Variants in ERLIN1 observed in about 807,000 individuals in gnomAD.
ERLIN1 encodes ER lipid raft associated 1, also known as erlin-1.
A neutral mutation model predicts 46.9 loss-of-function variants in ERLIN1; 24 were observed. The ratio of observed to expected loss-of-function variants is 0.51; its 90% confidence interval spans 0.37 to 0.72. ERLIN1 has a LOEUF of 0.72. Ranked by LOEUF, ERLIN1 falls within the 30% of genes least tolerant of loss-of-function variation. The pLI, the probability that ERLIN1 is intolerant of heterozygous loss-of-function variation, is 0.00. For synonymous variants in ERLIN1, 158 were observed against 143.2 expected (o/e 1.10, Z -0.74); for missense variants, 293 against 417.9 (o/e 0.70, Z 2.61).
Position 100,154,879 on chromosome 10 carries a change from T to C in ERLIN1, c.806A>G (p.Lys269Arg). The C allele has an allele frequency of 6.2e-7, 1 of 1,613,894 alleles. No individual in the cohort carries two copies. Among genetic ancestry groups the C allele is most frequent in the East Asian group, 2.2e-5 (1 of 44,872 alleles). Residue 269 changes from lysine (K) to arginine (R), a missense_variant, in exon 10 of 11, where the codon AAA (lysine) becomes AGA (arginine). By Grantham distance (26) the Lys-to-Arg change is conservative. Around this residue, in one of 3 missense-constraint regions of ERLIN1, gnomAD observed 148 missense variants for 266.5 expected, o/e 0.56. Transcript: ENST00000421367. ...KADAEYYAAH[K>R]YATSNKHKLT... ...AGTCACCTTGTTTGAGGTGGCATAT[T>C]TGTGTGCAGCATAATATTCAGCATC...
chr10:100,156,107 C>A, intron 9 of ERLIN1, 38 bp downstream of exon 9: 1 of 1,354,250 alleles, frequency 7.4e-7, no homozygotes, highest in Non-Finnish European at 1.1e-6. Context: ...GGAGGCAGTT[C>A]GGGACAGGCA....
At position 100,185,575 on chromosome 10, in the gene ERLIN1, C is replaced by A; in HGVS notation, c.52G>T (p.Ala18Ser). ...VLVAAVVGLV[A>S]VLLYASIHKI... ...TGGATGGAGGCGTAGAGCAGGACAG[C>A]CACCAACCCCACCACTGCAGCCACC... is the stretch of plus-strand genomic sequence containing the variant. Residue 18 changes from alanine to serine, a missense_variant, in exon 1 of 11, where the codon GCT becomes TCT. Transcript: ENST00000421367. 1.2e-6 allele frequency: 2 copies of A among 1,614,016 alleles called. No individual in the cohort carries two copies. Among genetic ancestry groups the A allele is most frequent in the Non-Finnish European group, 1.7e-6 (2 of 1,179,874 alleles).
At chr10:100,167,037 T>C (rs1342591514) in intron 7 of ERLIN1, among the ~76,000 whole-genome samples, 1 of 152,226 alleles carries the variant, frequency 6.6e-6, no homozygotes, top group African/African-American at 2.4e-5. Context: ...CTTTCCTCTA[T>C]TAAATATTTA....
At chr10:100,185,401 A>G (rs951125898) in intron 1 of ERLIN1, 113 bp downstream of exon 1, 11 of 800,874 alleles carry the variant, frequency 1.4e-5, no homozygotes, top group Middle Eastern at 2.4e-4. Context: ...TGCTCTCCCT[A>G]GAGATGGGAC....
intron 9 of ERLIN1, among the ~76,000 whole-genome samples, 156 bp downstream of exon 9, chr10:100,155,989 A>T (rs1040804723): frequency 3.3e-5 from 5 of 152,190 alleles, no homozygotes; most frequent in Non-Finnish European, 7.3e-5. Flanking sequence ...ATAGCAATTT[A>T]AAAAAATTTA....
At chr10:100,179,325 G>A (rs1844498281) in intron 2 of ERLIN1, 78 bp from the exon 3 acceptor site, 3 of 986,136 alleles carry the variant, frequency 3.0e-6, no homozygotes, top group South Asian at 2.8e-5. Flanking sequence ...GCAAATCTCT[G>A]GAAAGCTGCT....
rs997733258 is a variant in ERLIN1, at chr10:100,151,287, A to C, written c.*844T>G. 1 of 152,802 alleles carries C rather than the reference A, an allele frequency of 6.5e-6. No homozygotes were observed. The highest frequency in any genetic ancestry group is 1.5e-5 in the Non-Finnish European group (1 of 68,232). The allele number at this position is 152,802 out of a possible 1,614,324, so 9.5% of individuals were successfully genotyped here. The stretch of plus-strand genomic sequence containing the variant: ...CACTCTTGGCCAGAGCTGAAAGGTA[A>C]CATACAAGGAGGTGGCTGTGGCTAA... On this transcript the variant is annotated 3_prime_UTR_variant, in exon 11 of 11. Coordinates refer to ENST00000421367, the MANE Select transcript of ERLIN1 (RefSeq NM_006459.4).
chr10:100,162,130 G>C (rs549779528), intron 8 of ERLIN1, among the ~76,000 whole-genome samples: 1 of 152,230 alleles, frequency 6.6e-6, no homozygotes, highest in South Asian at 2.1e-4. Flanking sequence ...ATTGAAAGAT[G>C]TTGGAAATGC....
intron 7 of ERLIN1, among the ~76,000 whole-genome samples, chr10:100,164,460 GGCACCAGCCGTTTCTACA>G (rs1843526016): frequency 1.3e-5 from 2 of 152,142 alleles, no homozygotes; most frequent in South Asian, 4.1e-4. Flanking sequence ...ATTAGAAAAC[GGCACCAGCCGTTTCTACA>G]GTCCTGCAGG....
intron 10 of ERLIN1, among the ~76,000 whole-genome samples, chr10:100,154,016 A>ATAACCTGTC (rs1842938239): frequency 6.6e-6 from 1 of 152,202 alleles, no homozygotes; most frequent in African/African-American, 2.4e-5. Context: ...AGCCCTGTCT[A>ATAACCTGTC]TATCTTAAAA....
At chr10:100,182,321 C>T (rs778189216) in intron 2 of ERLIN1, among the ~76,000 whole-genome samples, 2 of 151,988 alleles carry the variant, frequency 1.3e-5, no homozygotes, top group African/African-American at 2.4e-5. Context: ...TGAGCCACTG[C>T]GCCGGGCCTT....
At chr10:100,172,127 A>G (rs1240059361) in intron 6 of ERLIN1, among the ~76,000 whole-genome samples, 1 of 152,254 alleles carries the variant, frequency 6.6e-6, no homozygotes, top group Non-Finnish European at 1.5e-5. Flanking sequence ...CAACATGCAT[A>G]CAGTAGTAAA....
chr10:100,159,589 T>A (rs1003627523), intron 8 of ERLIN1, among the ~76,000 whole-genome samples: 6 of 151,414 alleles, frequency 4.0e-5, no homozygotes, highest in Non-Finnish European at 5.9e-5. Flanking sequence ...GACTACAATG[T>A]AGTAACACTG....
intron 6 of ERLIN1, among the ~76,000 whole-genome samples, chr10:100,170,099 T>C (rs1000705644): frequency 2.0e-5 from 3 of 152,166 alleles, no homozygotes; most frequent in Non-Finnish European, 2.9e-5. Flanking sequence ...TGAAAACTCA[T>C]CTGGAAGATT....
rs1842752595 is a variant in ERLIN1, at chr10:100,150,607, C to T, written c.*1524G>A. 6.6e-6 allele frequency: 1 copy of T among 152,586 alleles called. No individual in the cohort carries two copies. 9.5% of individuals were successfully genotyped at this position (152,586 alleles called of 1,614,324 possible). ...TAGGATAAGGCCCAGGGGAAAGACCCATTCAAATCTGGGCTTTCCTTTCCC... is the reference window on the plus strand; with the variant it reads ...TAGGATAAGGCCCAGGGGAAAGACCTATTCAAATCTGGGCTTTCCTTTCCC... On this transcript the variant is annotated 3_prime_UTR_variant, in exon 11 of 11. Coordinates refer to ENST00000421367, the MANE Select transcript of ERLIN1 (RefSeq NM_006459.4).
chr10:100,174,921 T>C (rs1441576383), intron 5 of ERLIN1, among the ~76,000 whole-genome samples: 1 of 152,236 alleles, frequency 6.6e-6, no homozygotes, highest in Admixed American at 6.5e-5. Flanking sequence ...TTTAAATGAC[T>C]GGTGGTGAGA....
chr10:100,176,352 A>C (rs1236377373), intron 4 of ERLIN1, among the ~76,000 whole-genome samples: 1 of 152,206 alleles, frequency 6.6e-6, no homozygotes, highest in African/African-American at 2.4e-5. Context: ...TTTTGGAGGT[A>C]ATAAGGAACT....
At chr10:100,181,675 C>A (rs1293949142) in intron 2 of ERLIN1, among the ~76,000 whole-genome samples, 1 of 152,104 alleles carries the variant, frequency 6.6e-6, no homozygotes, top group African/African-American at 2.4e-5. Flanking sequence ...CAACCACGCC[C>A]AGCTAATTTT....
intron 2 of ERLIN1, among the ~76,000 whole-genome samples, chr10:100,180,725 GT>G (rs1171542355): frequency 6.6e-6 from 1 of 152,200 alleles, no homozygotes; most frequent in African/African-American, 2.4e-5. Flanking sequence ...TGGCTGGGGA[GT>G]TTGGGATCTC....
Sources: gnomAD v4.1 joint callset for allele counts (sites outside exome capture counted in the v4.1 genomes callset) on GRCh38, gnomAD v4.1.1 for gene constraint, gnomAD v4.1.1 regional missense constraint, MANE v1.5 for transcripts, NCBI Gene and HGNC (gene_info 2026-07-23, HGNC 2026-07-21) for gene names.